The following FANCA variants were observed in gnomAD, a reference collection of about 807,000 sequenced individuals.
FANCA encodes the protein FA complementation group A, also known as Fanconi anemia group A protein.
In FANCA, 236 loss-of-function variants were observed where a neutral mutation model predicts 194.3. The ratio of observed to expected loss-of-function variants is 1.21; its 90% CI spans 1.09 to 1.35. The LOEUF is 1.35. Ranked by LOEUF, FANCA falls within the 40% of genes most tolerant of loss-of-function variation. The probability of loss-of-function intolerance (pLI) is 0.00; values close to 1 mark genes in which losing one functional copy is unlikely to be tolerated. For missense variants in FANCA, 2,628 were observed against 1,813.9 expected (o/e 1.45, Z -8.15); for synonymous variants, 1,014 against 715.8 (o/e 1.42, Z -6.65).
chr16:89,744,613 C>T (rs995448660), intron 36 of FANCA: 8 of 364,936 alleles, frequency 2.2e-5, no homozygotes, highest in African/African-American at 6.4e-5. Context: ...CTCACTCAGA[C>T]GGGAGCCTGG....
rs140576598 is a variant in FANCA at position 89,738,133 on chromosome 16, C to G, written c.*468G>C. ...CAATGTACACATGTCCATGGTGCACCCGCTGACACAGACCCAGGACAAGGC... is the reference window on the plus strand; with the variant it reads ...CAATGTACACATGTCCATGGTGCACGCGCTGACACAGACCCAGGACAAGGC... On this transcript the variant is annotated 3_prime_UTR_variant, in exon 43 of 43. Coordinates refer to ENST00000389301, the MANE Select transcript of FANCA (RefSeq NM_000135.4). The G allele has an allele frequency of 2.5e-6, 4 of 1,613,620 alleles. No individual in the cohort carries two copies. Among genetic ancestry groups the G allele is most frequent in the Non-Finnish European group, 3.4e-6 (4 of 1,180,026 alleles).
intron 10 of FANCA, 47 bp downstream of exon 10, chr16:89,799,119 G>C (rs369543472): frequency 4.0e-5 from 64 of 1,614,052 alleles, no homozygotes; most frequent in Non-Finnish European, 5.3e-5. Flanking sequence ...TAATTTGGCA[G>C]ACACCTCCCT....
In FANCA at chr16:89,737,840, A is replaced by C; in HGVS notation, c.*761T>G. 3.7e-6 allele frequency: 6 copies of C among 1,614,194 alleles called. No homozygotes were observed. Among genetic ancestry groups the C allele is most frequent in the Non-Finnish European group, 5.1e-6 (6 of 1,180,042 alleles). ...ACTATATCTGTGACGAATGTGGACA[A>C]ACCTTCAAGCAGCGGAAGCACCTTC... On this transcript the variant is annotated 3_prime_UTR_variant, in exon 43 of 43. Transcript: ENST00000389301.
chr16:89,770,555 C>A lies in FANCA; in HGVS notation c.2222+9G>T. 6.2e-7 allele frequency: 1 copy of A among 1,601,936 alleles called. No homozygotes were observed. Among genetic ancestry groups the A allele is most frequent in the Non-Finnish European group, 8.5e-7 (1 of 1,174,246 alleles). The stretch of plus-strand genomic sequence containing the variant: ...GCCCCACCACTCAGGGAGCTGCCCG[C>A]GCCTTCACCTCTCCGGGGGAGCGAC... On this transcript the variant is annotated intron_variant, in intron 24 of 42. Coordinates refer to ENST00000389301, the MANE Select transcript of FANCA (RefSeq NM_000135.4).
At chr16:89,752,020 T>G in intron 31 of FANCA, 118 bp downstream of exon 31, 2 of 856,794 alleles carry the variant, frequency 2.3e-6, no homozygotes, top group Non-Finnish European at 4.0e-6. Context: ...TCCGCCTGCC[T>G]CGGCCTCCCA....
At chr16:89,744,837 G>A in intron 36 of FANCA, 122 bp downstream of exon 36, 3 of 890,454 alleles carry the variant, frequency 3.4e-6, no homozygotes, top group Non-Finnish European at 1.8e-6. Flanking sequence ...TTTTCTCCCT[G>A]CTCACACGAG....
At chr16:89,810,656 C>T (rs1344992150) in intron 5 of FANCA, 51 bp downstream of exon 5, 7 of 1,211,556 alleles carry the variant, frequency 5.8e-6, no homozygotes, top group African/African-American at 1.5e-5. Context: ...TCCAGATCAA[C>T]AGAACATTGC....
rs750370725 is a variant in FANCA, at chr16:89,785,856, TTG to T, written c.1360-894_1360-893del. On this transcript the variant is annotated intron_variant, in intron 14 of 42. Coordinates refer to ENST00000389301, the MANE Select transcript of FANCA (RefSeq NM_000135.4). ...TTCTGAAAGCGTGCAAAATTGTGTT[TTG>T]TTTTTTTTTTTTTGGAGACAGAGTC... 1.6e-4 allele frequency among the ~76,000 whole-genome samples: 22 copies of T among 141,238 alleles called. 6 individuals are homozygous for T. The highest frequency in any genetic ancestry group is 1.8e-4 in the Non-Finnish European group (12 of 65,578). 92.7% of individuals were successfully genotyped at this position (141,238 alleles called of 152,430 possible). A position where few individuals can be genotyped will look rare whatever the true frequency, so the allele number is the denominator to read the frequency against.
At chr16:89,795,869 A>G (rs1359816948) in intron 11 of FANCA, 37 bp downstream of exon 11, 2 of 1,500,400 alleles carry the variant, frequency 1.3e-6, no homozygotes, top group Non-Finnish European at 9.3e-7. Context: ...AATCCCCAAA[A>G]TGGGTAGCAA....
chr16:89,741,175 C>G (rs2062124233), intron 37 of FANCA, among the ~76,000 whole-genome samples: 1 of 152,216 alleles, frequency 6.6e-6, no homozygotes, highest in Non-Finnish European at 1.5e-5. Flanking sequence ...AGCATCATCT[C>G]CCTGCAAGGC....
Position 89,791,743 on chromosome 16 carries a change from G to C in FANCA, c.1225+184C>G. The C allele has an allele frequency of 1.3e-5, 13 of 973,158 alleles. No individual in the cohort carries two copies. In the South Asian group the frequency reaches 1.5e-4, roughly 11 times the overall value. The allele number at this position is 973,158 out of a possible 1,614,324, so 60.3% of individuals were successfully genotyped here. Reference sequence around the variant, plus strand: ...CAGCAGTGGACACTCTGGCCTCTCAGAGCAGCAGTCAGTGCTTATGGAAGC... The same window carrying C: ...CAGCAGTGGACACTCTGGCCTCTCACAGCAGCAGTCAGTGCTTATGGAAGC... On this transcript the variant is annotated intron_variant, in intron 13 of 42. Coordinates refer to ENST00000389301, the MANE Select transcript of FANCA (RefSeq NM_000135.4).
intron 32 of FANCA, among the ~76,000 whole-genome samples, chr16:89,749,056 C>T (rs1297943367): frequency 1.3e-5 from 2 of 152,196 alleles, no homozygotes; most frequent in Non-Finnish European, 2.9e-5. Context: ...AAGTGGATGA[C>T]GCACCAGTCT....
At chr16:89,795,096 C>T (rs2040198689) in intron 11 of FANCA, among the ~76,000 whole-genome samples, 1 of 152,038 alleles carries the variant, frequency 6.6e-6, no homozygotes, top group African/African-American at 2.4e-5. Context: ...ACCAGCCTGG[C>T]CAACATGGTG....
intron 18 of FANCA, 28 bp downstream of exon 18, chr16:89,779,840 CT>C (rs2039640912): frequency 6.3e-7 from 1 of 1,598,282 alleles, no homozygotes; most frequent in African/African-American, 1.3e-5. Context: ...ACTGCAGCTG[CT>C]AGAGGCCTTT....
chr16:89,747,524 C>T (rs2003521), intron 33 of FANCA, among the ~76,000 whole-genome samples: 1,975 of 152,114 alleles, frequency 0.013, 32 homozygotes, highest in South Asian at 0.092. Flanking sequence ...CATGGTAAAA[C>T]GTCATCTCTA....
At position 89,749,841 on chromosome 16, in the gene FANCA, G is replaced by A. The variant is rs964766722; in HGVS notation, c.3128C>T (p.Ser1043Phe). The A allele has an allele frequency of 1.2e-6, 2 of 1,614,226 alleles. No homozygotes were observed. Among genetic ancestry groups the A allele is most frequent in the Non-Finnish European group, 1.7e-6 (2 of 1,180,034 alleles). ...DLIVPLGHTP[S>F]QEHFLFEIFR... The stretch of plus-strand genomic sequence containing the variant: ...AATCTCAAAGAGGAAGTGCTCCTGG[G>A]AAGGGGTGTGGCCGAGAGGCACTAT... Residue 1043 changes from serine to phenylalanine, a missense_variant, in exon 32 of 43, where the codon TCC (serine) becomes TTC (phenylalanine). Physicochemically the swap from Ser to Phe is radical, Grantham distance 155. Coordinates refer to ENST00000389301, the MANE Select transcript of FANCA (RefSeq NM_000135.4).
At position 89,748,669 on chromosome 16, in the gene FANCA, T is replaced by G; in HGVS notation, c.3338A>C (p.Asn1113Thr). 2 of 1,613,708 alleles carry G rather than the reference T, an allele frequency of 1.2e-6. No individual in the cohort carries two copies. Among genetic ancestry groups the G allele is most frequent in the Non-Finnish European group, 1.7e-6 (2 of 1,179,750 alleles). ...ARCEQFFHLVNSEMRNFCSHG... is the reference protein window; with the variant it reads ...ARCEQFFHLVTSEMRNFCSHG... The stretch of plus-strand genomic sequence containing the variant: ...ACACGGGGCACCTACCATCTCAGAG[T>G]TGACCAAGTGGAAGAACTGCTCGCA... Residue 1113 changes from asparagine to threonine, a missense_variant, in exon 33 of 43, where the codon AAC becomes ACC. Coordinates refer to ENST00000389301, the MANE Select transcript of FANCA (RefSeq NM_000135.4).
chr16:89,773,176 A>G, intron 22 of FANCA, 95 bp downstream of exon 22: 1 of 965,818 alleles, frequency 1.0e-6, no homozygotes. Context: ...AAGACACACC[A>G]GCCTGATGTC....
At chr16:89,812,247 A>G (rs1457939815) in intron 3 of FANCA, among the ~76,000 whole-genome samples, 1 of 148,476 alleles carries the variant, frequency 6.7e-6, no homozygotes, top group Non-Finnish European at 1.5e-5. Flanking sequence ...GCTGAGGCGA[A>G]GAATGGCGTG....
Sources: gnomAD v4.1 joint callset for allele counts (sites outside exome capture counted in the v4.1 genomes callset) on GRCh38, gnomAD v4.1.1 for gene constraint, MANE v1.5 for transcripts, NCBI Gene and HGNC (gene_info 2026-07-23, HGNC 2026-07-21) for gene names.